Variants in SHROOM4 observed in about 807,000 individuals in gnomAD.
SHROOM4 encodes protein Shroom4.
In SHROOM4, 17 loss-of-function variants were observed where a neutral mutation model predicts 80.3. The observed-to-expected ratio is 0.21, with a 90% CI of 0.14 to 0.32. The LOEUF (loss-of-function observed/expected upper bound fraction) is 0.32. Ranked by LOEUF, SHROOM4 falls within the 10% of genes least tolerant of loss-of-function variation. SHROOM4 has a pLI of 1.00. For missense variants in SHROOM4, 993 were observed against 1,140.3 expected (o/e 0.87, Z 1.86); for synonymous variants, 400 against 437.5 (o/e 0.91, Z 1.07).
chrX:50,658,094 A>G (rs1557259623), intron 2 of SHROOM4, among the ~76,000 whole-genome samples: 1 of 112,209 alleles, frequency 8.9e-6, no homozygotes, highest in Admixed American at 9.4e-5. Flanking sequence ...GCAACAAGGC[A>G]CCACCTTTGA....
intron 1 of SHROOM4, among the ~76,000 whole-genome samples, chrX:50,755,649 T>C (rs868915778): frequency 1.8e-5 from 2 of 111,791 alleles, no homozygotes; most frequent in African/African-American, 6.5e-5. Flanking sequence ...ATCAATGAAA[T>C]AGAAGCAGTG....
chrX:50,620,285 T>C (rs1602374703), intron 5 of SHROOM4, among the ~76,000 whole-genome samples: 1 of 111,888 alleles, frequency 8.9e-6, no homozygotes, highest in East Asian at 2.8e-4. Flanking sequence ...CAACATGTGG[T>C]TTCATATTTA....
In SHROOM4 at chrX:50,590,423, A is replaced by AT. The variant is rs1308895464; in HGVS notation, c.*6271dup. Among the ~76,000 whole-genome samples, 3 of 109,580 alleles carry AT rather than the reference A, an allele frequency of 2.7e-5. No individual in the cohort carries two copies. Among genetic ancestry groups the AT allele is most frequent in the Non-Finnish European group, 3.8e-5 (2 of 52,525 alleles). On this transcript the variant is annotated 3_prime_UTR_variant, in exon 9 of 9. Coordinates refer to ENST00000376020, the MANE Select transcript of SHROOM4 (RefSeq NM_020717.5). ...CACCATGCCCTGCTAATTTTTTTGT[A>AT]TTTTTTTTAGTAGAGATGGGGTTTC...
At chrX:50,768,977 T>C (rs1359961046) in intron 1 of SHROOM4, among the ~76,000 whole-genome samples, 2 of 111,823 alleles carry the variant, frequency 1.8e-5, no homozygotes, top group Non-Finnish European at 1.9e-5. Flanking sequence ...AAAACAATCA[T>C]GCCAGCAGCA....
chrX:50,752,002 C>T (rs1169357224), intron 1 of SHROOM4, among the ~76,000 whole-genome samples: 1 of 112,143 alleles, frequency 8.9e-6, no homozygotes, highest in African/African-American at 3.2e-5. Flanking sequence ...AGTTACTTTC[C>T]CCTTTCCTCT....
At chrX:50,761,828 T>C (rs1440538511) in intron 1 of SHROOM4, among the ~76,000 whole-genome samples, 1 of 111,963 alleles carries the variant, frequency 8.9e-6, no homozygotes, top group Non-Finnish European at 1.9e-5. Flanking sequence ...CCCAAAGTGC[T>C]GGGATTACAA....
chrX:50,738,094 T>C (rs1236807288), intron 1 of SHROOM4, among the ~76,000 whole-genome samples: 1 of 110,837 alleles, frequency 9.0e-6, no homozygotes, highest in Non-Finnish European at 1.9e-5. Flanking sequence ...ATTATCTTAA[T>C]AGATGCAGAA....
chrX:50,662,282 T>G (rs1932536483), intron 2 of SHROOM4, among the ~76,000 whole-genome samples: 1 of 111,153 alleles, frequency 9.0e-6, no homozygotes, highest in Non-Finnish European at 1.9e-5. Context: ...GGGCGGATCA[T>G]GAGGTCAGGA....
chrX:50,599,974 T>TGAGTACAGTCACAGGG (rs1450257794), intron 7 of SHROOM4, among the ~76,000 whole-genome samples: 12 of 111,224 alleles, frequency 1.1e-4, no homozygotes, highest in South Asian at 3.8e-4. Flanking sequence ...CCCCTATAGG[T>TGAGTACAGTCACAGGG]GAGTACAGTC....
chrX:50,775,560 C>G (rs1228442030), intron 1 of SHROOM4, among the ~76,000 whole-genome samples: 2 of 111,518 alleles, frequency 1.8e-5, no homozygotes, highest in Non-Finnish European at 3.8e-5. Flanking sequence ...TAACGCCCAC[C>G]CAAGTGACCA....
intron 1 of SHROOM4, among the ~76,000 whole-genome samples, chrX:50,717,606 C>T (rs1319889605): frequency 8.9e-6 from 1 of 111,806 alleles, no homozygotes; most frequent in Non-Finnish European, 1.9e-5. Flanking sequence ...CCCCACACAC[C>T]AGTGTCTCTC....
At position 50,600,323 on chromosome X, in the gene SHROOM4, A is replaced by G. The variant is rs1452127989; in HGVS notation, c.3943-1788T>C. On this transcript the variant is annotated intron_variant, in intron 7 of 8. Transcript: ENST00000376020. ...CCCAGGCTGCCCATAGCCTCTGTAGACAGTACTGCTTTGTGGTTAAGAGCA... is the reference window on the plus strand; with the variant it reads ...CCCAGGCTGCCCATAGCCTCTGTAGGCAGTACTGCTTTGTGGTTAAGAGCA... Among the ~76,000 whole-genome samples the G allele has an allele frequency of 2.7e-5, 3 of 111,422 alleles. No homozygotes were observed. The East Asian group carries it at 8.5e-4, about 31-fold the overall frequency.
Position 50,694,543 on chromosome X carries a change from A to ATTTTTTTTTTTTTT in SHROOM4, c.269+1229_269+1242dup, listed in dbSNP as rs782530547. Among the ~76,000 whole-genome samples the ATTTTTTTTTTTTTT allele has an allele frequency of 3.0e-3, 38 of 12,494 alleles. 13 individuals are homozygous for ATTTTTTTTTTTTTT. The highest frequency in any genetic ancestry group is 0.012 in the East Asian group (3 of 258). 10.8% of individuals were successfully genotyped at this position (12,494 alleles called of 115,157 possible). A position where few individuals can be genotyped will look rare whatever the true frequency, so the allele number is the denominator to read the frequency against. ...AGGTCTTTGCCCATTTTTAAGTTGG[A>ATTTTTTTTTTTTTT]TTTTTTTTTTTTTTTTTTTTTTTTT... On this transcript the variant is annotated intron_variant, in intron 2 of 8. Transcript: ENST00000376020.
In SHROOM4 at chrX:50,707,312, T is replaced by C. The variant is rs6614558; in HGVS notation, c.118-11375A>G. 5.0e-4 allele frequency among the ~76,000 whole-genome samples: 56 copies of C among 112,448 alleles called. 1 individual carries two copies. The East Asian group carries it at 0.014, about 28-fold the overall frequency. ...ATTTTATACCTCTGTGAGTTAGTGATTATACCTTTTGTGAGGCTTTTCATA... is the reference window on the plus strand; with the variant it reads ...ATTTTATACCTCTGTGAGTTAGTGACTATACCTTTTGTGAGGCTTTTCATA... On this transcript the variant is annotated intron_variant, in intron 1 of 8. Coordinates refer to ENST00000376020, the MANE Select transcript of SHROOM4 (RefSeq NM_020717.5).
At position 50,590,476 on chromosome X, in the gene SHROOM4, T is replaced by A. The variant is rs1163109997; in HGVS notation, c.*6219A>T. On this transcript the variant is annotated 3_prime_UTR_variant, in exon 9 of 9. Transcript: ENST00000376020. The stretch of plus-strand genomic sequence containing the variant: ...CGTGTTAGCCAGGATGGTTGCGATC[T>A]CCTGACCTCCTGATCCGCCCGCCAC... 1.4e-4 allele frequency among the ~76,000 whole-genome samples: 15 copies of A among 111,001 alleles called. No individual in the cohort carries two copies. Among genetic ancestry groups the A allele is most frequent in the African/African-American group, 4.9e-4 (15 of 30,505 alleles).
At chrX:50,576,457 C>T in the SHROOM4 span, among the ~76,000 whole-genome samples, 26 of 111,894 alleles carry the variant, frequency 2.3e-4, no homozygotes, top group African/African-American at 8.4e-4. Context: ...AGTCCTCCTA[C>T]GGTTGCTTCT....
At chrX:50,800,249 A>C (rs1557272451) in intron 1 of SHROOM4, among the ~76,000 whole-genome samples, 1 of 112,399 alleles carries the variant, frequency 8.9e-6, no homozygotes, top group African/African-American at 3.2e-5. Flanking sequence ...GAAAGGGGAA[A>C]GATTACCAAT....
intron 6 of SHROOM4, among the ~76,000 whole-genome samples, chrX:50,605,711 G>A (rs1372514819): frequency 8.9e-6 from 1 of 112,414 alleles, no homozygotes; most frequent in Non-Finnish European, 1.9e-5. Context: ...ATGGGCTTTG[G>A]AGTCAGACAG....
In SHROOM4 at chrX:50,633,193, C is replaced by A. The variant is rs1557254485; in HGVS notation, c.2880G>T (p.Arg960Ser). ...SLAPGNTWKP[R>S]KLTVQEFPGD... is the part of the protein sequence containing the mutation. The stretch of plus-strand genomic sequence containing the variant: ...AAGTCCTCACCTGCACTGTCAGCTT[C>A]CTGGGTTTCCAAGTGTTGCCAGGTG... The change falls in exon 4 of 9, where the codon AGG becomes AGT. Residue 960 changes from arginine (R) to serine (S), a missense_variant. Physicochemically the swap from Arg to Ser is moderately radical, Grantham distance 110. Transcript: ENST00000376020. The A allele has an allele frequency of 1.7e-6, 2 of 1,209,196 alleles. No homozygotes were observed. Among genetic ancestry groups the A allele is most frequent in the African/African-American group, 3.5e-5 (2 of 57,195 alleles).
Sources: allele counts gnomAD v4.1 joint callset (sites outside exome capture counted in the v4.1 genomes callset), GRCh38; gene constraint gnomAD v4.1.1; transcripts MANE v1.5; gene names NCBI Gene and HGNC (gene_info 2026-07-23, HGNC 2026-07-21).